Variants in CDC73 observed in about 807,000 individuals in gnomAD.
CDC73 encodes the protein cell division cycle 73, also known as parafibromin.
CDC73 carries 21 observed loss-of-function variants against 83.7 expected under a neutral mutation model. The ratio of observed to expected loss-of-function variants is 0.25; its 90% CI spans 0.18 to 0.36. The LOEUF (loss-of-function observed/expected upper bound fraction) is 0.36, where lower values mean the gene tolerates loss of function less well. Among genes scored for constraint, CDC73 ranks in the 10% least tolerant of loss-of-function variants. The pLI is 1.00. For missense variants in CDC73, 342 were observed against 653.3 expected (o/e 0.52, Z 5.19); for synonymous variants, 224 against 212.9 (o/e 1.05, Z -0.45).
chr1:193,177,487 GCC>G (rs1308250446), intron 10 of CDC73, among the ~76,000 whole-genome samples: 4 of 149,780 alleles, frequency 2.7e-5, no homozygotes, highest in Admixed American at 1.3e-4. Context: ...CCGAGATCGG[GCC>G]ACTGCACTCC....
At chr1:193,159,752 G>GT (rs1356239330) in intron 10 of CDC73, among the ~76,000 whole-genome samples, 3 of 152,118 alleles carry the variant, frequency 2.0e-5, no homozygotes. Context: ...TTTTGTAAAC[G>GT]TTTTATACTG....
At chr1:193,124,950 T>C (rs1176922437) in intron 1 of CDC73, among the ~76,000 whole-genome samples, 162 bp from the exon 2 acceptor site, 1 of 152,222 alleles carries the variant, frequency 6.6e-6, no homozygotes, top group Non-Finnish European at 1.5e-5. Context: ...TTTGTGTTTC[T>C]TTTGTGATCA....
intron 7 of CDC73, among the ~76,000 whole-genome samples, chr1:193,142,613 T>C (rs900928293): frequency 1.3e-5 from 2 of 152,070 alleles, no homozygotes; most frequent in Non-Finnish European, 2.9e-5. Flanking sequence ...GTCCTTCCTT[T>C]CTTCTCTCTG....
At position 193,233,037 on chromosome 1, in the gene CDC73, A is replaced by T. The variant is rs1262415790; in HGVS notation, c.1199A>T (p.Glu400Val). The T allele has an allele frequency of 6.2e-7, 1 of 1,613,752 alleles. No individual in the cohort carries two copies. Among genetic ancestry groups the T allele is most frequent in the African/African-American group, 1.3e-5 (1 of 74,924 alleles). The part of the protein sequence containing the change: ...DEKKKQGCQR[E>V]NETLIQRRKD... ...AAGAAGAAACAAGGTTGTCAACGAG[A>T]AAATGAAACTCTAATACAAAGAAGA... is the stretch of plus-strand genomic sequence containing the variant. Residue 400 changes from glutamate (E) to valine (V), a missense_variant, in exon 14 of 17, where the codon GAA (glutamate) becomes GTA (valine). By Grantham distance (121) the Glu-to-Val change is moderately radical. Coordinates refer to ENST00000367435, the MANE Select transcript of CDC73 (RefSeq NM_024529.5).
chr1:193,140,883 A>G (rs2103125611), intron 6 of CDC73, among the ~76,000 whole-genome samples: 1 of 152,312 alleles, frequency 6.6e-6, no homozygotes, highest in Non-Finnish European at 1.5e-5. Flanking sequence ...CTGTATTTGA[A>G]TTTGGCTTAA....
At chr1:193,141,278 T>G (rs1675901797) in intron 6 of CDC73, 1 of 152,478 alleles carries the variant, frequency 6.6e-6, no homozygotes, top group Admixed American at 6.5e-5. Flanking sequence ...TTTCAACTAT[T>G]TTGCCTATTT....
intron 10 of CDC73, among the ~76,000 whole-genome samples, chr1:193,152,991 G>A (rs975123244): frequency 1.3e-5 from 2 of 151,820 alleles, no homozygotes; most frequent in African/African-American, 4.8e-5. Context: ...CTGTGGTCTG[G>A]ATCTCCTGAC....
intron 2 of CDC73, among the ~76,000 whole-genome samples, chr1:193,129,012 T>G (rs1044774341): frequency 9.3e-5 from 14 of 150,500 alleles, no homozygotes; most frequent in Non-Finnish European, 1.6e-4. Flanking sequence ...TTTTTTTTTT[T>G]TTTGAGACAG....
At chr1:193,204,505 G>T (rs1407075401) in intron 11 of CDC73, among the ~76,000 whole-genome samples, 4 of 151,744 alleles carry the variant, frequency 2.6e-5, no homozygotes, top group Admixed American at 1.3e-4. Context: ...TAGCCAGGAT[G>T]GTCTTGATCT....
At chr1:193,145,833 A>G (rs909893442) in intron 7 of CDC73, among the ~76,000 whole-genome samples, 9 of 152,204 alleles carry the variant, frequency 5.9e-5, no homozygotes, top group Non-Finnish European at 8.8e-5. Context: ...TTTGTATAGT[A>G]TTTATTTAAC....
chr1:193,185,046 C>G (rs1439557398), intron 10 of CDC73, among the ~76,000 whole-genome samples: 2 of 152,016 alleles, frequency 1.3e-5, no homozygotes, highest in Non-Finnish European at 2.9e-5. Context: ...TATCTGTGCC[C>G]TGCACACACA....
intron 10 of CDC73, among the ~76,000 whole-genome samples, chr1:193,195,523 GAATT>G (rs933246406): frequency 6.6e-5 from 10 of 152,100 alleles, no homozygotes; most frequent in Non-Finnish European, 1.2e-4. Context: ...TACTCAAACA[GAATT>G]GTTGGATCAT....
chr1:193,161,420 A>G (rs530967553), intron 10 of CDC73, among the ~76,000 whole-genome samples: 5 of 150,522 alleles, frequency 3.3e-5, no homozygotes, highest in Non-Finnish European at 7.4e-5. Context: ...TAGAACTCAG[A>G]TAACTCACTG....
At chr1:193,132,185 A>G (rs923202597) in intron 3 of CDC73, among the ~76,000 whole-genome samples, 4 of 152,232 alleles carry the variant, frequency 2.6e-5, no homozygotes, top group Non-Finnish European at 4.4e-5. Flanking sequence ...CTTGTCATGC[A>G]TGGCTTTAAG....
intron 5 of CDC73, 69 bp from the exon 6 acceptor site, chr1:193,138,016 C>T: frequency 3.6e-6 from 4 of 1,122,530 alleles, no homozygotes; most frequent in Non-Finnish European, 5.5e-6. Flanking sequence ...GGAAAAGTTA[C>T]ATGTAGCGTT....
intron 10 of CDC73, among the ~76,000 whole-genome samples, chr1:193,172,455 A>G (rs937647563): frequency 4.6e-5 from 7 of 152,126 alleles, no homozygotes; most frequent in African/African-American, 1.4e-4. Context: ...AGAAGAGAGA[A>G]TTAGTGAGCC....
At chr1:193,153,072 T>C (rs1221010760) in intron 10 of CDC73, among the ~76,000 whole-genome samples, 1 of 152,152 alleles carries the variant, frequency 6.6e-6, no homozygotes, top group Non-Finnish European at 1.5e-5. Flanking sequence ...CCAGCCTTGT[T>C]TTTAACAATG....
chr1:193,233,232 C>A, intron 14 of CDC73, 78 bp downstream of exon 14: 1 of 1,373,112 alleles, frequency 7.3e-7, no homozygotes, highest in Non-Finnish European at 1.0e-6. Flanking sequence ...CCGTTGATGA[C>A]GTTGCTTTTT....
At chr1:193,203,705 CAG>C (rs776686364) in intron 10 of CDC73, 88 bp from the exon 11 acceptor site, 3 of 1,034,370 alleles carry the variant, frequency 2.9e-6, no homozygotes, top group East Asian at 2.6e-5. Flanking sequence ...GAACAAGAGA[CAG>C]AGAGATATGA....
Sources: allele counts gnomAD v4.1 joint callset (sites outside exome capture counted in the v4.1 genomes callset), GRCh38; gene constraint gnomAD v4.1.1; transcripts MANE v1.5; gene names NCBI Gene and HGNC (gene_info 2026-07-23, HGNC 2026-07-21).